PCSK6: variants seen among roughly 807,000 people sequenced by gnomAD.
PCSK6 encodes the protein proprotein convertase subtilisin/kexin type 6.
Under a neutral mutation model 123.3 loss-of-function variants are expected in PCSK6, and 85 were observed. The observed-to-expected ratio is 0.69, with a 90% CI of 0.58 to 0.83. The LOEUF (loss-of-function observed/expected upper bound fraction) is 0.83. Among genes scored for constraint, PCSK6 ranks in the 40% least tolerant of loss-of-function variants. PCSK6 has a pLI of 0.00. For missense variants in PCSK6, 1,191 were observed against 1,282.3 expected, an observed-to-expected ratio of 0.93 and a Z score of 1.09; for synonymous variants, 508 against 516.0, an observed-to-expected ratio of 0.98 and a Z score of 0.21.
At chr15:101,449,625 C>T (rs1416127939) in intron 1 of PCSK6, among the ~76,000 whole-genome samples, 1 of 152,206 alleles carries the variant, frequency 6.6e-6, no homozygotes. Flanking sequence ...ATGTCAGCTT[C>T]ACCTGAGTAG....
intron 15 of PCSK6, among the ~76,000 whole-genome samples, chr15:101,327,977 C>A (rs905814510): frequency 6.6e-6 from 1 of 152,230 alleles, no homozygotes; most frequent in Non-Finnish European, 1.5e-5. Context: ...ACTCCTCCCC[C>A]CAGCTCCAGA....
intron 1 of PCSK6, among the ~76,000 whole-genome samples, chr15:101,462,118 G>C (rs1477629383): frequency 6.6e-6 from 1 of 152,056 alleles, no homozygotes; most frequent in Admixed American, 6.5e-5. Context: ...ACAAATTATT[G>C]GAAGAAATAA....
intron 6 of PCSK6, among the ~76,000 whole-genome samples, chr15:101,415,843 A>G (rs890626233): frequency 1.3e-5 from 2 of 152,194 alleles, no homozygotes; most frequent in African/African-American, 2.4e-5. Flanking sequence ...TGCCACCACC[A>G]TATAAGAAGT....
At chr15:101,342,129 C>CAA (rs35083182) in intron 13 of PCSK6, among the ~76,000 whole-genome samples, 884 of 51,316 alleles carry the variant, frequency 0.017, 61 homozygotes, top group African/African-American at 0.061. Flanking sequence ...GACCCTGTCT[C>CAA]AAAAAAAAAA....
chr15:101,453,455 C>T (rs1011777468), intron 1 of PCSK6, among the ~76,000 whole-genome samples: 4 of 152,182 alleles, frequency 2.6e-5, no homozygotes, highest in Non-Finnish European at 5.9e-5. Context: ...GGGTGAGGTA[C>T]CCCCGATGCC....
chr15:101,322,678 C>T lies in PCSK6; in HGVS notation c.2378-71G>A, dbSNP rs546478672. 42 of 977,680 alleles carry T rather than the reference C, an allele frequency of 4.3e-5. 1 individual carries two copies. The South Asian group carries it at 5.5e-4, about 13-fold the overall frequency. The allele number at this position is 977,680 out of a possible 1,614,324, so 60.6% of individuals were successfully genotyped here. A position where few individuals can be genotyped will look rare whatever the true frequency, so the allele number is the denominator to read the frequency against. On this transcript the variant is annotated intron_variant, in intron 17 of 21. Coordinates refer to ENST00000611716, the MANE Select transcript of PCSK6 (RefSeq NM_002570.5). ...CAGGAATGAAATCTGGGCAAGCAGG[C>T]CCCCGGCATTTCAAAGCGGGGGTGC...
At chr15:101,424,113 C>T (rs889128530) in intron 6 of PCSK6, among the ~76,000 whole-genome samples, 1 of 151,404 alleles carries the variant, frequency 6.6e-6, no homozygotes, top group Non-Finnish European at 1.5e-5. Context: ...TGTTCACCTG[C>T]AGTCCCAGAT....
At chr15:101,482,661 G>A (rs141753392) in intron 1 of PCSK6, among the ~76,000 whole-genome samples, 1 of 152,270 alleles carries the variant, frequency 6.6e-6, no homozygotes, top group Non-Finnish European at 1.5e-5. Context: ...GTATCAGGCG[G>A]TGTCCCAGCC....
intron 1 of PCSK6, among the ~76,000 whole-genome samples, chr15:101,457,103 C>T (rs2057205388): frequency 1.3e-5 from 2 of 152,062 alleles, no homozygotes; most frequent in Admixed American, 6.6e-5. Context: ...AACCAGGAGG[C>T]GGAGGTTGCA....
intron 13 of PCSK6, among the ~76,000 whole-genome samples, chr15:101,362,211 C>T (rs1372082002): frequency 2.0e-5 from 3 of 152,164 alleles, no homozygotes; most frequent in South Asian, 2.1e-4. Context: ...CCGCCTCGGC[C>T]TCCCAAAGTG....
chr15:101,405,265 C>T (rs933531155), intron 6 of PCSK6, among the ~76,000 whole-genome samples: 1 of 152,182 alleles, frequency 6.6e-6, no homozygotes, highest in Non-Finnish European at 1.5e-5. Flanking sequence ...TTGATTTGGG[C>T]AAATTGTTTT....
intron 6 of PCSK6, among the ~76,000 whole-genome samples, chr15:101,425,644 ATAT>A (rs1359317919): frequency 1.3e-5 from 2 of 152,160 alleles, no homozygotes; most frequent in African/African-American, 2.4e-5. Context: ...ATATATATAT[ATAT>A]TGCTTCATAC....
At chr15:101,475,263 G>A (rs1200580746) in intron 1 of PCSK6, among the ~76,000 whole-genome samples, 3 of 152,126 alleles carry the variant, frequency 2.0e-5, no homozygotes, top group African/African-American at 7.2e-5. Flanking sequence ...CAAACAAATG[G>A]TGCTGCAGAT....
rs1357664279 is a variant in PCSK6, at chr15:101,325,093, C to T, written c.2181-47G>A. On this transcript the variant is annotated intron_variant, in intron 16 of 21. Coordinates refer to ENST00000611716, the MANE Select transcript of PCSK6 (RefSeq NM_002570.5). Reference sequence around the variant, plus strand: ...GGTGAGGGCCTTGCCAACCCAGCCCCAGCCCCAGGCCTGCCCCTTTGTTTC... The same window carrying T: ...GGTGAGGGCCTTGCCAACCCAGCCCTAGCCCCAGGCCTGCCCCTTTGTTTC... 5 of 1,426,752 alleles carry T rather than the reference C, an allele frequency of 3.5e-6. No individual in the cohort carries two copies. The South Asian group carries it at 3.7e-5, about 11-fold the overall frequency. 88.4% of individuals were successfully genotyped at this position (1,426,752 alleles called of 1,614,324 possible).
intron 13 of PCSK6, among the ~76,000 whole-genome samples, chr15:101,348,069 C>T (rs916846716): frequency 1.3e-5 from 2 of 152,232 alleles, no homozygotes; most frequent in Admixed American, 6.5e-5. Flanking sequence ...GTTACCTGCC[C>T]CCTCCAGGCA....
rs941952528 is a variant in PCSK6 at position 101,398,076 on chromosome 15, T to G, written c.996+328A>C. ...AGTCCAAGTAACAGGCCAGGTGAGC[T>G]GCCTTAGACCCCCGTCACCCACCTG... On this transcript the variant is annotated intron_variant, in intron 7 of 21. Transcript: ENST00000611716. This position sits in a 1 kb window ranked among gnomAD's most constrained non-coding sequence, Gnocchi z 4.6. 1.2e-4 allele frequency among the ~76,000 whole-genome samples: 18 copies of G among 152,300 alleles called. 1 individual carries two copies. The highest frequency in any genetic ancestry group is 1.2e-3 in the Admixed American group (18 of 15,294).
Position 101,318,439 on chromosome 15 carries a change from G to A in PCSK6, c.2466-17C>T. 6.5e-7 allele frequency: 1 copy of A among 1,544,174 alleles called. No homozygotes were observed. Among genetic ancestry groups the A allele is most frequent in the African/African-American group, 1.4e-5 (1 of 73,032 alleles). On this transcript the variant is annotated splice_polypyrimidine_tract_variant and intron_variant, in intron 18 of 21. Transcript: ENST00000611716. Reference sequence around the variant, plus strand: ...CGTGCAAGGCTGTTGAAAAGAAAGAGGCAGATTTCCACATCCATTCCAAAA... The same window carrying A: ...CGTGCAAGGCTGTTGAAAAGAAAGAAGCAGATTTCCACATCCATTCCAAAA...
chr15:101,370,021 G>A (rs528123086), intron 12 of PCSK6, among the ~76,000 whole-genome samples: 1 of 152,320 alleles, frequency 6.6e-6, no homozygotes, highest in East Asian at 1.9e-4. Flanking sequence ...AGCAAAGAAG[G>A]CATAGCCAGA....
intron 1 of PCSK6, among the ~76,000 whole-genome samples, chr15:101,480,663 G>A (rs749403665): frequency 1.8e-4 from 27 of 152,332 alleles, no homozygotes; most frequent in African/African-American, 2.4e-4. Context: ...GATGGGACCC[G>A]CAGGGTGTGA....
Sources: allele counts gnomAD v4.1 joint callset (sites outside exome capture counted in the v4.1 genomes callset), GRCh38; gene constraint gnomAD v4.1.1; non-coding constraint Gnocchi (gnomAD v3.1); transcripts MANE v1.5; gene names NCBI Gene and HGNC (gene_info 2026-07-23, HGNC 2026-07-21).